The following APBA1 variants were observed in gnomAD, a reference collection of about 807,000 sequenced individuals.
APBA1 encodes the protein amyloid beta precursor protein binding family A member 1, also known as amyloid-beta A4 precursor protein-binding family A member 1.
APBA1 carries 55 observed loss-of-function variants against 86.6 expected under a neutral mutation model. The observed-to-expected ratio is 0.64, with a 90% CI of 0.51 to 0.80. The LOEUF is 0.80. Among genes scored for constraint, APBA1 ranks in the 30% least tolerant of loss-of-function variants. The probability of loss-of-function intolerance (pLI) is 0.00; values close to 1 mark genes in which losing one functional copy is unlikely to be tolerated. For synonymous variants in APBA1, 511 were observed against 493.9 expected, an observed-to-expected ratio of 1.03 and a Z score of -0.46; for missense variants, 1,090 against 1,183.0, an observed-to-expected ratio of 0.92 and a Z score of 1.15.
intron 2 of APBA1, among the ~76,000 whole-genome samples, chr9:69,503,700 C>A (rs1248663292): frequency 1.3e-5 from 2 of 152,006 alleles, no homozygotes; most frequent in African/African-American, 4.8e-5. Context: ...CTCCTAAAAC[C>A]ATCTAAAACT....
intron 10 of APBA1, among the ~76,000 whole-genome samples, chr9:69,447,279 C>T (rs1834925925): frequency 6.6e-6 from 1 of 152,132 alleles, no homozygotes; most frequent in Non-Finnish European, 1.5e-5. Context: ...AACCCCCTAT[C>T]CCCGCTCCTC....
intron 1 of APBA1, among the ~76,000 whole-genome samples, chr9:69,544,242 C>T (rs1836662563): frequency 6.6e-6 from 1 of 152,222 alleles, no homozygotes; most frequent in Non-Finnish European, 1.5e-5. Flanking sequence ...GCTCACATTT[C>T]AACAATCAGC....
At chr9:69,640,312 CCTCA>C (rs1247984334) in intron 1 of APBA1, among the ~76,000 whole-genome samples, 8 of 151,888 alleles carry the variant, frequency 5.3e-5, no homozygotes, top group Non-Finnish European at 1.0e-4. Flanking sequence ...TAGTGTGAGC[CCTCA>C]CTCCCGGGAA....
At chr9:69,483,342 C>A (rs1048645725) in intron 2 of APBA1, among the ~76,000 whole-genome samples, 1 of 151,948 alleles carries the variant, frequency 6.6e-6, no homozygotes. Flanking sequence ...AGCAAAATAA[C>A]CCTATTGCTT....
intron 1 of APBA1, among the ~76,000 whole-genome samples, chr9:69,526,288 C>G (rs1836340634): frequency 6.6e-6 from 1 of 152,006 alleles, no homozygotes; most frequent in African/African-American, 2.4e-5. Context: ...AACAGATAAC[C>G]TATAGAAAGA....
In APBA1 at chr9:69,467,860, C is replaced by T. The variant is rs367760423; in HGVS notation, c.1445G>A (p.Arg482His). Residue 482 changes from arginine (R) to histidine (H), a missense_variant, in exon 5 of 13, where the codon CGC becomes CAC. Arg to His is a conservative substitution (Grantham distance 29, BLOSUM62 0). Coordinates refer to ENST00000265381, the MANE Select transcript of APBA1 (RefSeq NM_001163.4). ...LSDKTPSKNV[R>H]MMQAQEAVSR... ...TACGGCTTCCTGGGCCTGCATCATG[C>T]GCACGTTTTTGGAAGGAGTTTTGTC... is the stretch of plus-strand genomic sequence containing the variant. The T allele has an allele frequency of 2.8e-5, 45 of 1,613,994 alleles. No individual in the cohort carries two copies. The highest frequency in any genetic ancestry group is 4.5e-5 in the East Asian group (2 of 44,890).
At chr9:69,583,213 G>A (rs113500574) in intron 1 of APBA1, among the ~76,000 whole-genome samples, 4 of 152,328 alleles carry the variant, frequency 2.6e-5, no homozygotes, top group South Asian at 4.1e-4. Flanking sequence ...ACTGCATGCT[G>A]CTTGCAAGCA....
chr9:69,440,865 C>T, intron 11 of APBA1, 131 bp downstream of exon 11: 2 of 1,193,950 alleles, frequency 1.7e-6, no homozygotes, highest in African/African-American at 1.5e-5. Flanking sequence ...TACCCGTCTT[C>T]TGCATCACTC....
intron 1 of APBA1, among the ~76,000 whole-genome samples, chr9:69,536,741 G>A (rs1408377806): frequency 2.0e-5 from 3 of 147,690 alleles, no homozygotes; most frequent in Non-Finnish European, 4.5e-5. Context: ...TTAGACAGGC[G>A]TGTTCGCACA....
Position 69,516,440 on chromosome 9 carries a change from G to A in APBA1, c.771C>T (p.Pro257=). 6.2e-7 allele frequency: 1 copy of A among 1,604,462 alleles called. No homozygotes were observed. The highest frequency in any genetic ancestry group is 8.5e-7 in the Non-Finnish European group (1 of 1,178,698). ...GCTCGTAGCTGTCCATGCGCGGGTA[G>A]GGCGCGAACTCGGCCTCCTTCTCGG... ...DSPEKEAEFA[P]YPRMDSYEQE... is the part of the protein sequence containing the mutation. The change falls in exon 2 of 13, where the codon CCC becomes CCT. Residue 257 remains proline, a synonymous_variant. Transcript: ENST00000265381. This position sits in a 1 kb window ranked among gnomAD's most constrained non-coding sequence, Gnocchi z 7.3.
At chr9:69,617,656 C>T (rs558205604) in intron 1 of APBA1, among the ~76,000 whole-genome samples, 1 of 152,220 alleles carries the variant, frequency 6.6e-6, no homozygotes, top group African/African-American at 2.4e-5. Context: ...ACGGGAACTA[C>T]ACCTTCATTC....
intron 1 of APBA1, among the ~76,000 whole-genome samples, chr9:69,602,018 G>C (rs1482186388): frequency 1.3e-5 from 2 of 152,148 alleles, no homozygotes; most frequent in Non-Finnish European, 2.9e-5. Context: ...AGATGATTTG[G>C]TATAGAAAAA....
chr9:69,431,631 A>G (rs1224490746), intron 12 of APBA1, among the ~76,000 whole-genome samples: 1 of 152,260 alleles, frequency 6.6e-6, no homozygotes, highest in African/African-American at 2.4e-5. Context: ...AAACCAAGCA[A>G]GGCTTATTTC....
At position 69,471,692 on chromosome 9, in the gene APBA1, T is replaced by C; in HGVS notation, c.1300A>G (p.Arg434Gly). 6.2e-7 allele frequency: 1 copy of C among 1,613,314 alleles called. No homozygotes were observed. The highest frequency in any genetic ancestry group is 1.1e-5 in the South Asian group (1 of 91,048). Residue 434 changes from arginine to glycine, a missense_variant, in exon 4 of 13, where the codon AGA (arginine) becomes GGA (glycine). By Grantham distance (125) the Arg-to-Gly change is moderately radical. Transcript: ENST00000265381. ...GTTGGGAATGAAGCCAAGCTTTTTC[T>C]TGACTGTAATAAAGACAAAGAGGTT... Reference protein sequence around the residue: ...PVEASTNKESRKSLASFPTYV... With the variant: ...PVEASTNKESGKSLASFPTYV...
chr9:69,510,764 G>A lies in APBA1; in HGVS notation c.1200+5247C>T, dbSNP rs1021596027. On this transcript the variant is annotated intron_variant, in intron 2 of 12. Coordinates refer to ENST00000265381, the MANE Select transcript of APBA1 (RefSeq NM_001163.4). Reference sequence around the variant, plus strand: ...ACAGAACAGAGCCCTCAGAAATAACGCCGCATATCTACAACTATCTGATCT... The same window carrying A: ...ACAGAACAGAGCCCTCAGAAATAACACCGCATATCTACAACTATCTGATCT... Among the ~76,000 whole-genome samples, 134 of 145,640 alleles carry A rather than the reference G, an allele frequency of 9.2e-4. 1 individual carries two copies. Among genetic ancestry groups the A allele is most frequent in the African/African-American group, 2.9e-3 (110 of 37,682 alleles).
rs548364194 is a variant in APBA1 at position 69,441,242 on chromosome 9, T to C, written c.2182-127A>G. ...CCGAAGGACCCACTGCCTGCTTGCC[T>C]GCAGGCCTCTGGTGCCTGGGCTGGT... On this transcript the variant is annotated intron_variant, in intron 10 of 12. Coordinates refer to ENST00000265381, the MANE Select transcript of APBA1 (RefSeq NM_001163.4). 5.4e-5 allele frequency: 60 copies of C among 1,121,350 alleles called. No homozygotes were observed. In the South Asian group the frequency reaches 8.8e-4, roughly 16 times the overall value. The allele number at this position is 1,121,350 out of a possible 1,614,324, so 69.5% of individuals were successfully genotyped here. A position where few individuals can be genotyped will look rare whatever the true frequency, so the allele number is the denominator to read the frequency against.
intron 1 of APBA1, among the ~76,000 whole-genome samples, chr9:69,550,896 A>G (rs1330326): frequency 0.37 from 56,453 of 152,100 alleles, 12,090 homozygotes; most frequent in Non-Finnish European, 0.47. Flanking sequence ...TCTCATGGAT[A>G]TATGTGTACA....
intron 1 of APBA1, among the ~76,000 whole-genome samples, chr9:69,590,206 C>T (rs1822103763): frequency 1.3e-5 from 2 of 152,158 alleles, no homozygotes; most frequent in Admixed American, 6.5e-5. Flanking sequence ...CTATGAGTTC[C>T]TCTTGGGGTG....
At chr9:69,640,038 C>T (rs571248660) in intron 1 of APBA1, among the ~76,000 whole-genome samples, 1 of 152,150 alleles carries the variant, frequency 6.6e-6, no homozygotes, top group African/African-American at 2.4e-5. Context: ...GGATAAAGAA[C>T]ATCCTACAGG....
Sources: allele counts gnomAD v4.1 joint callset (sites outside exome capture counted in the v4.1 genomes callset), GRCh38; gene constraint gnomAD v4.1.1; non-coding constraint Gnocchi (gnomAD v3.1); transcripts MANE v1.5; gene names NCBI Gene and HGNC (gene_info 2026-07-23, HGNC 2026-07-21).